CLEC2A: variants seen among roughly 807,000 people sequenced by gnomAD.
The protein encoded by CLEC2A is C-type lectin domain family 2 member A.
In CLEC2A, 19 loss-of-function variants were observed where a neutral mutation model predicts 18.6. That is an observed-to-expected ratio of 1.02 (90% CI 0.71 to 1.50). The LOEUF is 1.50. CLEC2A is among the 40% of genes most tolerant of loss of function. The pLI is 0.00. For missense variants in CLEC2A, 190 were observed against 207.9 expected, an observed-to-expected ratio of 0.91 and a Z score of 0.53; for synonymous variants, 74 against 64.0, an observed-to-expected ratio of 1.16 and a Z score of -0.75.
At chr12:9,899,001 G>C (rs1247438297) in intron 4 of CLEC2A, 6 of 708,930 alleles carry the variant, frequency 8.5e-6, no homozygotes, top group Non-Finnish European at 1.6e-5. Flanking sequence ...AGACAAACCG[G>C]ATTATTAGAA....
the CLEC2A span, chr12:9,893,075 G>A: frequency 3.9e-6 from 6 of 1,535,612 alleles, no homozygotes; most frequent in African/African-American, 8.2e-5. Flanking sequence ...AATGTTACTG[G>A]TTTTCAACTT....
chr12:9,884,831 T>G, the CLEC2A span: 2 of 403,910 alleles, frequency 5.0e-6, no homozygotes, highest in Non-Finnish European at 8.7e-6. Context: ...TAAATTCTAA[T>G]GACATATCTA....
At chr12:9,908,933 A>G (rs1459329162), downstream of CLEC2A, among the ~76,000 whole-genome samples, 1 of 152,172 alleles carries the variant, frequency 6.6e-6, no homozygotes, top group East Asian at 1.9e-4. Context: ...GGTGGATAGC[A>G]TGAATTTTGC....
chr12:9,884,015 G>A, the CLEC2A span, among the ~76,000 whole-genome samples: 1 of 152,046 alleles, frequency 6.6e-6, no homozygotes, highest in African/African-American at 2.4e-5. Context: ...TTTCTCTTTG[G>A]CCACTAGCCT....
the CLEC2A span, among the ~76,000 whole-genome samples, chr12:9,877,792 C>G: frequency 6.6e-6 from 1 of 152,144 alleles, no homozygotes; most frequent in African/African-American, 2.4e-5. Flanking sequence ...GTGGTTAGAA[C>G]TGTGGCTGTA....
At chr12:9,905,741 A>G (rs1565527909) in intron 4 of CLEC2A, among the ~76,000 whole-genome samples, 1 of 152,136 alleles carries the variant, frequency 6.6e-6, no homozygotes, top group Non-Finnish European at 1.5e-5. Flanking sequence ...CTTTTTCAAA[A>G]CATGTACAGT....
chr12:9,913,605 A>G lies in CLEC2A; in HGVS notation c.486T>C (p.Asp162=), dbSNP rs945941055. The change falls in exon 5 of 5, where the codon GAT becomes GAC. Residue 162 remains aspartate (D), a synonymous_variant. Coordinates refer to ENST00000455827, the MANE Select transcript of CLEC2A (RefSeq NM_001130711.2). The part of the protein sequence containing the change: ...DGVHSSRGFI[D]IKWICSKPKY... ...TAGGTTTGCTGCAAATCCACTTGAT[A>G]TCAATAAATCCTCTGGAACTATGGA... 5.8e-6 allele frequency: 9 copies of G among 1,549,744 alleles called. No homozygotes were observed. In the African/African-American group the frequency reaches 9.6e-5, roughly 17 times the overall value.
chr12:9,913,774 AAAC>A, intron 4 of CLEC2A, 94 bp from the exon 5 acceptor site: 1 of 758,592 alleles, frequency 1.3e-6, no homozygotes, highest in Non-Finnish European at 2.0e-6. Context: ...ATATTATACC[AAAC>A]ACTGAGCTCC....
chr12:9,925,400 A>G (rs368828404), intron 2 of CLEC2A, among the ~76,000 whole-genome samples: 1 of 152,330 alleles, frequency 6.6e-6, no homozygotes, highest in East Asian at 1.9e-4. Flanking sequence ...GGTTTTTAAA[A>G]TTTATCAAGC....
chr12:9,914,519 C>T (rs141006998), intron 4 of CLEC2A, among the ~76,000 whole-genome samples: 222 of 152,182 alleles, frequency 1.5e-3, no homozygotes, highest in African/African-American at 5.2e-3. Context: ...AACAGACATA[C>T]AGACCAATGG....
At chr12:9,887,697 A>G in the CLEC2A span, among the ~76,000 whole-genome samples, 2 of 152,026 alleles carry the variant, frequency 1.3e-5, no homozygotes, top group Non-Finnish European at 2.9e-5. Context: ...TAGGAAGCTG[A>G]AGGAACTTGA....
chr12:9,927,041 G>C (rs962249580), intron 1 of CLEC2A, among the ~76,000 whole-genome samples: 37 of 150,612 alleles, frequency 2.5e-4, no homozygotes, highest in African/African-American at 8.8e-4. Flanking sequence ...GTGTGTGTCT[G>C]TGTGTGTGTG....
chr12:9,890,099 G>T, the CLEC2A span, among the ~76,000 whole-genome samples: 1 of 151,834 alleles, frequency 6.6e-6, no homozygotes, highest in South Asian at 2.1e-4. Context: ...CCTCAAACTA[G>T]ATTATATTAA....
chr12:9,920,514 C>A (rs953110671), intron 3 of CLEC2A, among the ~76,000 whole-genome samples: 1 of 152,216 alleles, frequency 6.6e-6, no homozygotes, highest in African/African-American at 2.4e-5. Context: ...CCCCTGGCTC[C>A]ATGTCGTTCC....
At position 9,902,010 on chromosome 12, in the gene CLEC2A, T is replaced by G. The variant is rs570839156; in HGVS notation, c.411-3034A>C. On this transcript the variant is annotated intron_variant, in intron 4 of 4. Coordinates refer to the CLEC2A transcript ENST00000339766. ...CCACCACTTCCTTGAACCTTCAGCT[T>G]TTTCCTATTTTATCTCAAAACAATC... 2.0e-5 allele frequency among the ~76,000 whole-genome samples: 3 copies of G among 152,290 alleles called. No individual in the cohort carries two copies. In the East Asian group the frequency reaches 5.8e-4, roughly 29 times the overall value.
the CLEC2A span, among the ~76,000 whole-genome samples, chr12:9,883,318 C>T: frequency 0.02 from 3,057 of 152,248 alleles, 51 homozygotes; most frequent in Middle Eastern, 0.044. Context: ...ATAGTAGCAC[C>T]AGCAGATTTT....
the CLEC2A span, among the ~76,000 whole-genome samples, chr12:9,885,870 T>G: frequency 6.6e-6 from 1 of 152,048 alleles, no homozygotes; most frequent in African/African-American, 2.4e-5. Context: ...GTTATGAATC[T>G]ATCTAAGTAG....
chr12:9,897,224 T>G (rs553638696), downstream of CLEC2A, among the ~76,000 whole-genome samples: 2 of 152,148 alleles, frequency 1.3e-5, no homozygotes, highest in South Asian at 4.2e-4. Flanking sequence ...GTAGAAGAGA[T>G]CTCTAGAACT....
At chr12:9,893,289 A>G in the CLEC2A span, 1 of 928,988 alleles carries the variant, frequency 1.1e-6, no homozygotes. Flanking sequence ...GCCACAATGT[A>G]GTCACTATTG....
Sources: allele counts gnomAD v4.1 joint callset (sites outside exome capture counted in the v4.1 genomes callset), GRCh38; gene constraint gnomAD v4.1.1; transcripts MANE v1.5; gene names NCBI Gene and HGNC (gene_info 2026-07-23, HGNC 2026-07-21).